Variants in RMC1 observed in about 807,000 individuals in gnomAD.
RMC1 encodes the protein regulator of MON1-CCZ1.
A neutral mutation model predicts 95.5 loss-of-function variants in RMC1; 44 were observed. The observed-to-expected ratio is 0.46, with a 90% CI of 0.36 to 0.59. The LOEUF is 0.59. RMC1 is among the 20% of genes least tolerant of loss of function. The pLI is 0.00. For synonymous variants in RMC1, 320 were observed against 303.6 expected (o/e 1.05, Z -0.56); for missense variants, 705 against 819.6 (o/e 0.86, Z 1.71).
intron 5 of RMC1, chr18:23,509,736 A>T (rs1443775909): frequency 6.6e-6 from 1 of 151,926 alleles, no homozygotes; most frequent in East Asian, 1.9e-4. Context: ...GTAATTTTGT[A>T]TTTTTAGTAG....
chr18:23,529,984 G>C (rs1704129947), intron 16 of RMC1, 44 bp from the exon 17 acceptor site: 5 of 1,527,878 alleles, frequency 3.3e-6, no homozygotes, highest in Non-Finnish European at 3.6e-6. Flanking sequence ...TGTTGTAGCT[G>C]AATGATTTGG....
chr18:23,526,143 GTGGGTGATCAGTACATTTA>G (rs1211748030), intron 12 of RMC1, among the ~76,000 whole-genome samples: 1 of 152,216 alleles, frequency 6.6e-6, no homozygotes, highest in African/African-American at 2.4e-5. Flanking sequence ...TGCTGGCAGT[GTGGGTGATCAGTACATTTA>G]TGGGTCGATG....
Position 23,524,141 on chromosome 18 carries a change from G to C in RMC1, c.973G>C (p.Val325Leu). ...YQIPITGPAAVTSQSPVPCKL... is the reference protein window; with the variant it reads ...YQIPITGPAALTSQSPVPCKL... ...TTCTCAATTTGTAGGTCCTGCTGCC[G>C]TGACCAGCCAGTCTCCTGTTCCATG... The change falls in exon 11 of 20, where the codon GTG becomes CTG. Residue 325 changes from valine to leucine, a missense_variant. By Grantham distance (32) the Val-to-Leu change is conservative (BLOSUM62 1). Coordinates refer to ENST00000269221, the MANE Select transcript of RMC1 (RefSeq NM_013326.5). The C allele has an allele frequency of 6.2e-7, 1 of 1,614,006 alleles. No homozygotes were observed. The highest frequency in any genetic ancestry group is 8.5e-7 in the Non-Finnish European group (1 of 1,180,046).
In RMC1 at chr18:23,508,113, G is replaced by A. The variant is rs995876678; in HGVS notation, c.321+72G>A. On this transcript the variant is annotated intron_variant, in intron 4 of 19. Coordinates refer to ENST00000269221, the MANE Select transcript of RMC1 (RefSeq NM_013326.5). ...GCTGGGTTATGTAGTGGAGAGCGGG[G>A]CATTGGGGTCGCAGGGAGCACAGAC... 4.9e-6 allele frequency: 7 copies of A among 1,415,226 alleles called. No individual in the cohort carries two copies. The Admixed American group carries it at 1.4e-4, about 27-fold the overall frequency. The allele number at this position is 1,415,226 out of a possible 1,614,324, so 87.7% of individuals were successfully genotyped here.
intron 1 of RMC1, 106 bp downstream of exon 1, chr18:23,503,826 C>G (rs549335684): frequency 1.3e-4 from 123 of 939,088 alleles, no homozygotes; most frequent in Admixed American, 1.7e-4. Context: ...CTGTCCTGTC[C>G]CGTCCCGTCC....
At position 23,529,310 on chromosome 18, in the gene RMC1, C is replaced by G. The variant is rs1236191822; in HGVS notation, c.1416+12C>G. ...TTGTGGAAAAGAAGGTGGGCTGCAG[C>G]TTTCCGCCTCTTCTGGACTGAGAAT... is the stretch of plus-strand genomic sequence containing the variant. On this transcript the variant is annotated intron_variant, in intron 15 of 19. Transcript: ENST00000269221. The G allele has an allele frequency of 6.2e-7, 1 of 1,602,096 alleles. No individual in the cohort carries two copies. The highest frequency in any genetic ancestry group is 8.5e-7 in the Non-Finnish European group (1 of 1,177,236).
At chr18:23,515,748 G>C in intron 5 of RMC1, 108 bp from the exon 6 acceptor site, 1 of 1,308,392 alleles carries the variant, frequency 7.6e-7, no homozygotes, top group Non-Finnish European at 1.1e-6. Context: ...GTCCAGGCTG[G>C]TCTCGAACTC....
chr18:23,511,157 C>T (rs6507705), intron 5 of RMC1, among the ~76,000 whole-genome samples: 76,078 of 152,082 alleles, frequency 0.5, 19,252 homozygotes, highest in East Asian at 0.61. Flanking sequence ...TAAAAATGAA[C>T]AAGATCATGT....
Position 23,520,204 on chromosome 18 carries a change from A to G in RMC1, c.852A>G (p.Thr284=), listed in dbSNP as rs373900077. Residue 284 remains threonine, a splice_region_variant and synonymous_variant, in exon 10 of 20, where the codon ACA becomes ACG. Coordinates refer to ENST00000269221, the MANE Select transcript of RMC1 (RefSeq NM_013326.5). The part of the protein sequence containing the change: ...LVVVHHQDTE[T]SVIFDIKLRG... ...AGTCTTGTCTTTTTCCCCCCCAGAC[A>G]TCGGTAATATTCGATATCAAGTTAC... The G allele has an allele frequency of 2.7e-5, 43 of 1,613,286 alleles. 1 individual carries two copies. The highest frequency in any genetic ancestry group is 1.3e-4 in the South Asian group (12 of 91,064).
At chr18:23,522,215 T>C (rs2058160984) in intron 10 of RMC1, 1 of 152,264 alleles carries the variant, frequency 6.6e-6, no homozygotes, top group South Asian at 2.1e-4. Flanking sequence ...ATTAGGTCTT[T>C]TGGCTTTCTG....
In RMC1 at chr18:23,517,967, C is replaced by A. The variant is rs115134694; in HGVS notation, c.654-923C>A. The stretch of plus-strand genomic sequence containing the variant: ...TCCTGGGCTCGGGTGATCCTCCCGC[C>A]TCATCCTCCCAAAGTGCTGGGTTTA... On this transcript the variant is annotated intron_variant, in intron 7 of 19. Transcript: ENST00000269221. Among the ~76,000 whole-genome samples, 1,226 of 152,326 alleles carry A rather than the reference C, an allele frequency of 8.0e-3. 9 individuals carry two copies. The highest frequency in any genetic ancestry group is 0.028 in the African/African-American group (1,159 of 41,560).
At chr18:23,526,835 G>A (rs2058311730) in intron 13 of RMC1, 70 bp downstream of exon 13, 14 of 1,563,192 alleles carry the variant, frequency 9.0e-6, no homozygotes, top group Non-Finnish European at 1.2e-5. Flanking sequence ...TTTTTATCGG[G>A]ATGTGGGCTA....
chr18:23,513,819 G>T (rs1054514801), intron 5 of RMC1, among the ~76,000 whole-genome samples: 1 of 152,172 alleles, frequency 6.6e-6, no homozygotes, highest in Non-Finnish European at 1.5e-5. Context: ...GCCACTTTGT[G>T]TATCATCTTT....
chr18:23,526,173 A>G (rs1306871111), intron 12 of RMC1, among the ~76,000 whole-genome samples: 1 of 152,192 alleles, frequency 6.6e-6, no homozygotes, highest in Non-Finnish European at 1.5e-5. Context: ...TGGGTCGATG[A>G]ATGGATGAGT....
chr18:23,517,049 A>G (rs947201046), intron 7 of RMC1, among the ~76,000 whole-genome samples: 1 of 152,142 alleles, frequency 6.6e-6, no homozygotes, highest in African/African-American at 2.4e-5. Context: ...TTAAAAGCTC[A>G]GTTAAATAAT....
rs764998157 is a variant in RMC1, at chr18:23,503,611, CGCCCGCCATGGGCGAGGA to C, written c.-6_12del. 1 of 1,544,992 alleles carries C rather than the reference CGCCCGCCATGGGCGAGGA, an allele frequency of 6.5e-7. No individual in the cohort carries two copies. The highest frequency in any genetic ancestry group is 1.9e-5 in the Admixed American group (1 of 52,090). On this transcript the variant is annotated start_lost and 5_prime_UTR_variant, in exon 1 of 20. Coordinates refer to ENST00000269221, the MANE Select transcript of RMC1 (RefSeq NM_013326.5). The stretch of plus-strand genomic sequence containing the variant: ...CCCGGGGCCCCCGCCGCGGGCGCGG[CGCCCGCCATGGGCGAGGA>C]GGACTACTATCTGGAGCTGTGCGAG...
chr18:23,513,927 T>A (rs993548056), intron 5 of RMC1, among the ~76,000 whole-genome samples: 1 of 152,230 alleles, frequency 6.6e-6, no homozygotes, highest in Non-Finnish European at 1.5e-5. Flanking sequence ...TATTAACACC[T>A]TCTTAGAGAT....
At chr18:23,527,589 CTT>C (rs71163615) in intron 13 of RMC1, among the ~76,000 whole-genome samples, 61 of 108,330 alleles carry the variant, frequency 5.6e-4, no homozygotes, top group Middle Eastern at 4.9e-3. Context: ...CCTGCTATAG[CTT>C]TTTTTTTTTT....
At chr18:23,531,577 C>A in intron 19 of RMC1, 48 bp from the exon 20 acceptor site, 1 of 1,595,096 alleles carries the variant, frequency 6.3e-7, no homozygotes. Context: ...TTCTTTGTCC[C>A]TCATTTCATG....
Sources: gnomAD v4.1 joint callset for allele counts (sites outside exome capture counted in the v4.1 genomes callset) on GRCh38, gnomAD v4.1.1 for gene constraint, MANE v1.5 for transcripts, NCBI Gene and HGNC (gene_info 2026-07-23, HGNC 2026-07-21) for gene names.